Variants in AGPAT3 observed in about 807,000 individuals in gnomAD.
AGPAT3 encodes the protein 1-acyl-sn-glycerol-3-phosphate acyltransferase gamma.
In AGPAT3, 5 loss-of-function variants were observed where a neutral mutation model predicts 47.3. That is an observed-to-expected ratio of 0.11 (90% confidence interval 0.06 to 0.22). The LOEUF (loss-of-function observed/expected upper bound fraction) is 0.22, where lower values mean the gene tolerates loss of function less well. AGPAT3 is among the 10% of genes least tolerant of loss of function. The pLI is 1.00. For missense variants in AGPAT3, 315 were observed against 493.0 expected (o/e 0.64, Z 3.42); for synonymous variants, 212 against 208.3 (o/e 1.02, Z -0.15).
At chr21:43,960,017 A>G (rs1283864295) in intron 3 of AGPAT3, among the ~76,000 whole-genome samples, 158 bp downstream of exon 3, 3 of 151,960 alleles carry the variant, frequency 2.0e-5, no homozygotes, top group Non-Finnish European at 2.9e-5. Flanking sequence ...GCACCTGGCT[A>G]CCTCTTTTTC....
intron 1 of AGPAT3, among the ~76,000 whole-genome samples, chr21:43,892,228 A>G (rs542346679): frequency 6.6e-6 from 1 of 152,066 alleles, no homozygotes; most frequent in South Asian, 2.1e-4. Context: ...AATCGCTTGA[A>G]TCTGGGAGGC....
chr21:43,944,298 G>A (rs2087784859), intron 2 of AGPAT3, among the ~76,000 whole-genome samples: 1 of 152,260 alleles, frequency 6.6e-6, no homozygotes, highest in African/African-American at 2.4e-5. Context: ...TCCCGGGCTG[G>A]CCCTGCATTG....
intron 7 of AGPAT3, among the ~76,000 whole-genome samples, chr21:43,974,700 G>A (rs887891345): frequency 6.6e-5 from 10 of 152,042 alleles, no homozygotes; most frequent in Non-Finnish European, 1.5e-4. Flanking sequence ...GGGTTGGTGT[G>A]TGTGGTGTGT....
chr21:43,949,994 TC>T lies in AGPAT3; in HGVS notation c.-48-9635del, dbSNP rs539203488. Among the ~76,000 whole-genome samples, 877 of 152,166 alleles carry T rather than the reference TC, an allele frequency of 5.8e-3. 8 individuals are homozygous for T. Among genetic ancestry groups the T allele is most frequent in the African/African-American group, 0.02 (848 of 41,508 alleles). ...CAGCCCTTCCCCTAAACTTCCAGTT[TC>T]CCCCTCTCCCACCTGCCTGAAAGGC... On this transcript the variant is annotated intron_variant, in intron 2 of 9. Coordinates refer to ENST00000291572, the MANE Select transcript of AGPAT3 (RefSeq NM_020132.5).
At chr21:43,978,745 A>T (rs2089720638) in intron 8 of AGPAT3, among the ~76,000 whole-genome samples, 1 of 152,248 alleles carries the variant, frequency 6.6e-6, no homozygotes, top group Non-Finnish European at 1.5e-5. Flanking sequence ...TATGTAACAG[A>T]CATAGATGGT....
At chr21:43,913,787 G>C (rs1000227397) in intron 2 of AGPAT3, among the ~76,000 whole-genome samples, 2 of 152,198 alleles carry the variant, frequency 1.3e-5, no homozygotes, top group African/African-American at 4.8e-5. Context: ...GCAGGGCACA[G>C]CCGGCCCTGC....
chr21:43,980,997 C>T lies in AGPAT3; in HGVS notation c.852C>T (p.Leu284=), dbSNP rs1569111052. ...TCTGTTGACTCTTCTAGGACGCGCT[C>T]CAGGAGATATATAATCAGAAGGGCA... ...LHKLYQEKDA[L]QEIYNQKGMF... The change falls in exon 9 of 10, where the codon CTC becomes CTT. Residue 284 remains leucine, a synonymous_variant. Transcript: ENST00000291572. 6.2e-7 allele frequency: 1 copy of T among 1,614,058 alleles called. No homozygotes were observed. The highest frequency in any genetic ancestry group is 8.5e-7 in the Non-Finnish European group (1 of 1,180,002).
intron 2 of AGPAT3, among the ~76,000 whole-genome samples, chr21:43,907,165 T>C (rs2086520536): frequency 6.6e-6 from 1 of 151,876 alleles, no homozygotes; most frequent in African/African-American, 2.4e-5. Flanking sequence ...TCCCGGTAGC[T>C]GGGACCACGG....
chr21:43,961,811 G>A (rs1036278499), intron 3 of AGPAT3, among the ~76,000 whole-genome samples: 1 of 152,196 alleles, frequency 6.6e-6, no homozygotes, highest in Non-Finnish European at 1.5e-5. Context: ...TATGGGAAAT[G>A]GCTGGCCTGT....
chr21:43,980,866 C>T (rs2089823831), intron 8 of AGPAT3, 123 bp from the exon 9 acceptor site: 5 of 935,806 alleles, frequency 5.3e-6, no homozygotes, highest in Admixed American at 2.3e-5. Flanking sequence ...GATTTGTGCT[C>T]TTAATTGACG....
rs1384655451 is a variant in AGPAT3 at position 43,967,818 on chromosome 21, A to G, written c.179-128A>G. On this transcript the variant is annotated intron_variant, in intron 3 of 9. Transcript: ENST00000291572. ...TCATAAAACGTACTCAGTGTAAGTCATCAAAACTCATGTTTAGCAGAGACT... is the reference window on the plus strand; with the variant it reads ...TCATAAAACGTACTCAGTGTAAGTCGTCAAAACTCATGTTTAGCAGAGACT... 9.5e-6 allele frequency: 9 copies of G among 948,088 alleles called. No homozygotes were observed. In the East Asian group the frequency reaches 2.4e-4, roughly 25 times the overall value. 58.7% of individuals were successfully genotyped at this position (948,088 alleles called of 1,614,324 possible). A position where few individuals can be genotyped will look rare whatever the true frequency, so the allele number is the denominator to read the frequency against.
At chr21:43,959,920 ATG>A in intron 3 of AGPAT3, 61 bp downstream of exon 3, 1 of 1,514,124 alleles carries the variant, frequency 6.6e-7, no homozygotes, top group African/African-American at 1.4e-5. Flanking sequence ...GCGCGCGACC[ATG>A]CACGGGGCAG....
At chr21:43,873,402 A>G (rs951622867) in intron 1 of AGPAT3, among the ~76,000 whole-genome samples, 6 of 152,094 alleles carry the variant, frequency 3.9e-5, no homozygotes, top group African/African-American at 1.2e-4. Context: ...AGCAAAACCC[A>G]TGTGCCCTGA....
intron 2 of AGPAT3, among the ~76,000 whole-genome samples, chr21:43,921,649 C>T (rs569332004): frequency 2.6e-5 from 4 of 152,300 alleles, no homozygotes; most frequent in Admixed American, 6.5e-5. Flanking sequence ...CTGGGCTGCA[C>T]CAGGTGATGA....
At chr21:43,915,267 G>A (rs2086702197) in intron 2 of AGPAT3, among the ~76,000 whole-genome samples, 1 of 150,520 alleles carries the variant, frequency 6.6e-6, no homozygotes, top group South Asian at 2.1e-4. Flanking sequence ...GGCCAGGCTG[G>A]TCTCAAACTC....
chr21:43,968,155 G>T lies in AGPAT3; in HGVS notation c.348+40G>T, dbSNP rs769776195. On this transcript the variant is annotated intron_variant, in intron 4 of 9. Coordinates refer to ENST00000291572, the MANE Select transcript of AGPAT3 (RefSeq NM_020132.5). ...GGGGAGGGCCACGGGTGAGCAGGAGGGTCCCGGGGAGGGCCGGGGGTGAGC... is the reference window on the plus strand; with the variant it reads ...GGGGAGGGCCACGGGTGAGCAGGAGTGTCCCGGGGAGGGCCGGGGGTGAGC... 3 of 1,604,966 alleles carry T rather than the reference G, an allele frequency of 1.9e-6. 1 individual carries two copies. The Admixed American group carries it at 5.0e-5, about 27-fold the overall frequency.
intron 1 of AGPAT3, among the ~76,000 whole-genome samples, chr21:43,876,827 TTTTTGTTTTG>T (rs952348684): frequency 2.6e-5 from 4 of 151,990 alleles, no homozygotes; most frequent in Admixed American, 6.6e-5. Context: ...TTTTCACCAG[TTTTTGTTTTG>T]TTTTGTTTTG....
chr21:43,961,532 G>C (rs1242012084), intron 3 of AGPAT3, among the ~76,000 whole-genome samples: 1 of 137,290 alleles, frequency 7.3e-6, no homozygotes, highest in Non-Finnish European at 1.6e-5. Context: ...AACGGTGAGC[G>C]CGTATACACT....
intron 1 of AGPAT3, among the ~76,000 whole-genome samples, chr21:43,900,649 G>A (rs2146000700): frequency 6.6e-6 from 1 of 152,286 alleles, no homozygotes; most frequent in East Asian, 1.9e-4. Context: ...CTGACCACAG[G>A]TGGCATGTGA....
Sources: gnomAD v4.1 joint callset for allele counts (sites outside exome capture counted in the v4.1 genomes callset) on GRCh38, gnomAD v4.1.1 for gene constraint, MANE v1.5 for transcripts, NCBI Gene and HGNC (gene_info 2026-07-23, HGNC 2026-07-21) for gene names.